PDE8B: variants seen among roughly 807,000 people sequenced by gnomAD.
PDE8B encodes the protein high affinity cAMP-specific and IBMX-insensitive 3',5'-cyclic phosphodiesterase 8B.
In PDE8B, 26 loss-of-function variants were observed where a neutral mutation model predicts 101.3. The ratio of observed to expected loss-of-function variants is 0.26; its 90% CI spans 0.19 to 0.36. The LOEUF (loss-of-function observed/expected upper bound fraction) is 0.36, where lower values mean the gene tolerates loss of function less well. Ranked by LOEUF, PDE8B falls within the 10% of genes least tolerant of loss-of-function variation. PDE8B has a pLI of 1.00. For missense variants in PDE8B, 810 were observed against 1,163.1 expected (o/e 0.70, Z 4.42); for synonymous variants, 424 against 429.3 (o/e 0.99, Z 0.15).
intron 1 of PDE8B, among the ~76,000 whole-genome samples, chr5:77,301,678 G>A (rs1457183944): frequency 3.3e-5 from 5 of 152,216 alleles, no homozygotes; most frequent in Admixed American, 2.6e-4. Context: ...GGGATGTCAC[G>A]TTTTGACCAT....
Position 77,425,753 on chromosome 5 carries a change from G to GT in PDE8B, c.2419-8dup. On this transcript the variant is annotated splice_polypyrimidine_tract_variant and intron_variant, in intron 20 of 21. Transcript: ENST00000264917. ...GCATGTCCTCCAGCCCTATGTGGTG[G>GT]TTTTTTCTTACAGACTGATGAAGAG... 2 of 1,613,648 alleles carry GT rather than the reference G, an allele frequency of 1.2e-6. No individual in the cohort carries two copies. Among genetic ancestry groups the GT allele is most frequent in the Non-Finnish European group, 8.5e-7 (1 of 1,179,578 alleles).
chr5:77,148,223 C>T, the PDE8B span: 2 of 152,340 alleles, frequency 1.3e-5, 1 homozygote, highest in East Asian at 3.9e-4. Context: ...TTCACCCTGG[C>T]TGCTGTGTGG....
intron 1 of PDE8B, among the ~76,000 whole-genome samples, chr5:77,270,799 T>C (rs58810050): frequency 0.083 from 12,646 of 152,220 alleles, 677 homozygotes; most frequent in African/African-American, 0.15. Flanking sequence ...GCTGGGAGAA[T>C]CCTAGCCCAG....
At chr5:77,328,870 G>A (rs575926695) in intron 3 of PDE8B, 128 bp from the exon 4 acceptor site, 1 of 761,330 alleles carries the variant, frequency 1.3e-6, no homozygotes, top group African/African-American at 1.7e-5. Context: ...TGTCTTCTCT[G>A]TGTTTTGAGA....
chr5:77,355,613 C>T (rs1192154487), intron 10 of PDE8B, among the ~76,000 whole-genome samples: 7 of 152,190 alleles, frequency 4.6e-5, no homozygotes, highest in African/African-American at 1.4e-4. Flanking sequence ...AGCTTTTTGC[C>T]AAGAGGCTGG....
chr5:77,309,185 A>C (rs1218364580), intron 1 of PDE8B, among the ~76,000 whole-genome samples: 2 of 146,482 alleles, frequency 1.4e-5, no homozygotes, highest in African/African-American at 5.0e-5. Context: ...TCAGAAAGAA[A>C]GAAAGAAAGA....
intron 1 of PDE8B, among the ~76,000 whole-genome samples, chr5:77,248,226 A>C (rs1351284): frequency 0.41 from 62,959 of 152,012 alleles, 13,531 homozygotes; most frequent in East Asian, 0.75. Context: ...GGGCTATTGC[A>C]TGTTTATTCA....
chr5:77,279,442 A>G (rs1764519878), intron 1 of PDE8B, among the ~76,000 whole-genome samples: 1 of 152,228 alleles, frequency 6.6e-6, no homozygotes, highest in South Asian at 2.1e-4. Context: ...TGCCATAAGC[A>G]TTGGAAAGTG....
At chr5:77,115,080 C>A in the PDE8B span, 1 of 152,278 alleles carries the variant, frequency 6.6e-6, no homozygotes, top group South Asian at 2.1e-4. Flanking sequence ...GTGCCAGATG[C>A]AGGGATGTGA....
At chr5:77,320,335 G>T (rs963975997) in intron 2 of PDE8B, among the ~76,000 whole-genome samples, 1 of 152,114 alleles carries the variant, frequency 6.6e-6, no homozygotes, top group Non-Finnish European at 1.5e-5. Flanking sequence ...TTCTGACTAC[G>T]GACAGAACAC....
chr5:77,263,674 C>T (rs1455179222), intron 1 of PDE8B, among the ~76,000 whole-genome samples: 1 of 152,148 alleles, frequency 6.6e-6, no homozygotes, highest in African/African-American at 2.4e-5. Context: ...ACCCCTTGCC[C>T]AACTGATGTC....
At chr5:77,164,503 C>T in the PDE8B span, among the ~76,000 whole-genome samples, 1 of 152,196 alleles carries the variant, frequency 6.6e-6, no homozygotes, top group African/African-American at 2.4e-5. Flanking sequence ...TCTACTTGCT[C>T]AGTCCTTTAC....
chr5:77,259,164 G>A (rs994928715), intron 1 of PDE8B, among the ~76,000 whole-genome samples: 2 of 144,706 alleles, frequency 1.4e-5, no homozygotes, highest in Non-Finnish European at 3.0e-5. Flanking sequence ...CTCCTCTCCT[G>A]GTTCCTGCTT....
Position 77,259,084 on chromosome 5 carries a change from C to T in PDE8B, c.339+47820C>T, listed in dbSNP as rs1317558722. Among the ~76,000 whole-genome samples, 4 of 70,804 alleles carry T rather than the reference C, an allele frequency of 5.6e-5. 1 individual carries two copies. Among genetic ancestry groups the T allele is most frequent in the African/African-American group, 1.1e-4 (2 of 17,452 alleles). The allele number at this position is 70,804 out of a possible 152,430, so 46.5% of individuals were successfully genotyped here. Reference sequence around the variant, plus strand: ...CACACACACACCCCCGCCCCCCCCCCACACACACACACGAATGTTTCTGCC... The same window carrying T: ...CACACACACACCCCCGCCCCCCCCCTACACACACACACGAATGTTTCTGCC... On this transcript the variant is annotated intron_variant, in intron 1 of 21. Coordinates refer to ENST00000264917, the MANE Select transcript of PDE8B (RefSeq NM_003719.5).
At chr5:77,245,859 C>CG (rs1756817871) in intron 1 of PDE8B, among the ~76,000 whole-genome samples, 1 of 92,372 alleles carries the variant, frequency 1.1e-5, no homozygotes, top group African/African-American at 5.7e-5. Flanking sequence ...GCCCCCCCCC[C>CG]CCAACTTTTT....
intron 1 of PDE8B, among the ~76,000 whole-genome samples, chr5:77,265,951 T>C (rs1385289247): frequency 6.6e-6 from 1 of 152,174 alleles, no homozygotes; most frequent in African/African-American, 2.4e-5. Context: ...TCTCTGAAAC[T>C]GAAGAGAGAA....
At chr5:77,268,510 C>G (rs1247580112) in intron 1 of PDE8B, among the ~76,000 whole-genome samples, 3 of 151,734 alleles carry the variant, frequency 2.0e-5, no homozygotes, top group African/African-American at 7.3e-5. Flanking sequence ...CCCACCCCCC[C>G]ACTACTCTTC....
chr5:77,221,825 A>C (rs1367717718), intron 1 of PDE8B, among the ~76,000 whole-genome samples: 1 of 152,156 alleles, frequency 6.6e-6, no homozygotes, highest in Non-Finnish European at 1.5e-5. Flanking sequence ...CCCAGTTTTG[A>C]CTGAAGGGAG....
intron 2 of PDE8B, among the ~76,000 whole-genome samples, chr5:77,325,175 T>TC (rs397689148): frequency 1.3e-5 from 2 of 150,798 alleles, no homozygotes; most frequent in Admixed American, 6.6e-5. Flanking sequence ...GGGGATTGTT[T>TC]TGGCTTTGTT....
Sources: gnomAD v4.1 joint callset for allele counts (sites outside exome capture counted in the v4.1 genomes callset) on GRCh38, gnomAD v4.1.1 for gene constraint, MANE v1.5 for transcripts, NCBI Gene and HGNC (gene_info 2026-07-23, HGNC 2026-07-21) for gene names.